LRRC49: variants seen among roughly 807,000 people sequenced by gnomAD.
The protein encoded by LRRC49 is leucine rich repeat containing 49.
Under a neutral mutation model 83.3 loss-of-function variants are expected in LRRC49, and 50 were observed. The ratio of observed to expected loss-of-function variants is 0.60; its 90% CI spans 0.48 to 0.76. The LOEUF is 0.76. Ranked by LOEUF, LRRC49 falls within the 30% of genes least tolerant of loss-of-function variation. The pLI is 0.00. For synonymous variants in LRRC49, 286 were observed against 283.3 expected, an observed-to-expected ratio of 1.01 and a Z score of -0.10; for missense variants, 704 against 809.1, an observed-to-expected ratio of 0.87 and a Z score of 1.58.
At chr15:71,046,778 C>A (rs1198201651) in intron 15 of LRRC49, among the ~76,000 whole-genome samples, 2 of 151,990 alleles carry the variant, frequency 1.3e-5, no homozygotes, top group Non-Finnish European at 2.9e-5. Context: ...TTTGCCAAGG[C>A]CAATATCAAG....
intron 8 of LRRC49, among the ~76,000 whole-genome samples, chr15:70,955,288 A>G (rs1436463563): frequency 6.6e-6 from 1 of 152,212 alleles, no homozygotes; most frequent in Non-Finnish European, 1.5e-5. Flanking sequence ...TTCAAGAAGT[A>G]TTCCCAAAGA....
At chr15:70,892,555 C>T, upstream of LRRC49, 2 of 1,500,640 alleles carry the variant, frequency 1.3e-6, no homozygotes, top group South Asian at 1.3e-5. Flanking sequence ...TGAGGTGGGC[C>T]GTAAAGAGGA....
chr15:71,004,647 TAA>T (rs35055682), intron 11 of LRRC49, among the ~76,000 whole-genome samples: 36 of 121,734 alleles, frequency 3.0e-4, no homozygotes, highest in Admixed American at 2.5e-4. Flanking sequence ...GAAACTGTGT[TAA>T]AAAAAAAAAA....
At chr15:70,943,570 T>A (rs2035899715) in intron 8 of LRRC49, among the ~76,000 whole-genome samples, 1 of 152,214 alleles carries the variant, frequency 6.6e-6, no homozygotes, top group Admixed American at 6.5e-5. Context: ...AATGGCCTGC[T>A]GGCATTTGGG....
chr15:70,916,307 A>T (rs1273292405), intron 6 of LRRC49, among the ~76,000 whole-genome samples: 2 of 151,922 alleles, frequency 1.3e-5, no homozygotes, highest in African/African-American at 2.4e-5. Flanking sequence ...TATTATTATT[A>T]TTTTTGAGGT....
chr15:71,008,652 C>A, intron 12 of LRRC49, 36 bp downstream of exon 12: 1 of 1,463,066 alleles, frequency 6.8e-7, no homozygotes, highest in South Asian at 1.2e-5. Flanking sequence ...TTTGAATATT[C>A]TTAGTCAATG....
chr15:70,910,678 G>C (rs868781575), intron 5 of LRRC49, among the ~76,000 whole-genome samples: 2 of 152,086 alleles, frequency 1.3e-5, no homozygotes, highest in Non-Finnish European at 2.9e-5. Context: ...CTGTCATAAA[G>C]GATCCTATTA....
intron 1 of LRRC49, chr15:70,853,926 C>A: frequency 1.4e-6 from 2 of 1,412,216 alleles, no homozygotes; most frequent in South Asian, 2.9e-5. Flanking sequence ...CTCGCGCTGC[C>A]CCAGCCGGGG....
chr15:70,982,012 C>A (rs541407099), intron 10 of LRRC49, among the ~76,000 whole-genome samples: 1 of 151,666 alleles, frequency 6.6e-6, no homozygotes, highest in South Asian at 2.1e-4. Flanking sequence ...ATATGTCTTC[C>A]CTTTTCCGGG....
intron 8 of LRRC49, among the ~76,000 whole-genome samples, chr15:70,947,635 G>C (rs2141174207): frequency 6.6e-6 from 1 of 152,304 alleles, no homozygotes; most frequent in African/African-American, 2.4e-5. Context: ...TTGTGTCCTT[G>C]AACCAGCAGT....
intron 9 of LRRC49, among the ~76,000 whole-genome samples, chr15:70,974,887 G>A (rs1260466517): frequency 6.6e-6 from 1 of 152,084 alleles, no homozygotes; most frequent in African/African-American, 2.4e-5. Context: ...TAGATGAATT[G>A]AACATCCTGG....
intron 9 of LRRC49, among the ~76,000 whole-genome samples, chr15:70,969,521 G>A (rs2036915000): frequency 6.6e-6 from 1 of 152,202 alleles, no homozygotes; most frequent in Admixed American, 6.5e-5. Context: ...TGTGAAGAAA[G>A]TCAATGGTAG....
At chr15:70,900,564 G>A in intron 3 of LRRC49, 1 of 457,760 alleles carries the variant, frequency 2.2e-6, no homozygotes, top group South Asian at 1.5e-5. Flanking sequence ...CTGTCATAGT[G>A]CTGGCCCAAA....
intron 8 of LRRC49, among the ~76,000 whole-genome samples, chr15:70,963,458 A>T (rs1031155356): frequency 6.6e-6 from 1 of 152,044 alleles, no homozygotes; most frequent in African/African-American, 2.4e-5. Context: ...GCCTCAGGAG[A>T]TATGACAACT....
Position 71,049,802 on chromosome 15 carries a change from A to G in LRRC49, c.*190A>G. 1 of 537,694 alleles carries G rather than the reference A, an allele frequency of 1.9e-6. No individual in the cohort carries two copies. Among genetic ancestry groups the G allele is most frequent in the Non-Finnish European group, 3.3e-6 (1 of 307,532 alleles). The allele number at this position is 537,694 out of a possible 1,614,324, so 33.3% of individuals were successfully genotyped here. The stretch of plus-strand genomic sequence containing the variant: ...GGAAGGAAAGCAGGAGAAAGGAAGG[A>G]TTAATTGCCTGTATGTGAGGACCAA... On this transcript the variant is annotated 3_prime_UTR_variant, in exon 16 of 16. Transcript: ENST00000260382.
At chr15:70,872,112 C>T (rs1471670372) in intron 1 of LRRC49, among the ~76,000 whole-genome samples, 1 of 152,222 alleles carries the variant, frequency 6.6e-6, no homozygotes, top group Non-Finnish European at 1.5e-5. Flanking sequence ...CAACATTGAG[C>T]ACTGAGTGAG....
chr15:70,940,145 A>G (rs568936927), intron 8 of LRRC49, among the ~76,000 whole-genome samples: 1 of 152,256 alleles, frequency 6.6e-6, no homozygotes, highest in African/African-American at 2.4e-5. Flanking sequence ...TCTAGAAAAG[A>G]ATCTATTTCT....
At position 71,025,148 on chromosome 15, in the gene LRRC49, C is replaced by T. The variant is rs531303422; in HGVS notation, c.1704-12031C>T. The stretch of plus-strand genomic sequence containing the variant: ...TTCAAGATATCATCCAGGAGAACTT[C>T]CCGTACCTAACAAGACAGGCTAACA... On this transcript the variant is annotated intron_variant, in intron 14 of 15. Coordinates refer to ENST00000260382, the MANE Select transcript of LRRC49 (RefSeq NM_017691.5). Among the ~76,000 whole-genome samples, 197 of 152,298 alleles carry T rather than the reference C, an allele frequency of 1.3e-3. 1 individual carries two copies. The highest frequency in any genetic ancestry group is 4.6e-3 in the African/African-American group (192 of 41,552).
intron 9 of LRRC49, among the ~76,000 whole-genome samples, chr15:70,973,231 C>T (rs1407497699): frequency 2.6e-5 from 4 of 152,114 alleles, no homozygotes. Flanking sequence ...TTCTAACAGT[C>T]AGGCCCCTCT....
Sources: gnomAD v4.1 joint callset for allele counts (sites outside exome capture counted in the v4.1 genomes callset) on GRCh38, gnomAD v4.1.1 for gene constraint, MANE v1.5 for transcripts, NCBI Gene and HGNC (gene_info 2026-07-23, HGNC 2026-07-21) for gene names.